Variants in ROBO2 observed in about 807,000 individuals in gnomAD.
ROBO2 encodes the protein roundabout homolog 2.
A neutral mutation model predicts 160.8 loss-of-function variants in ROBO2; 53 were observed. The ratio of observed to expected loss-of-function variants is 0.33; its 90% CI spans 0.26 to 0.41. The LOEUF is 0.41. Among genes scored for constraint, ROBO2 ranks in the 10% least tolerant of loss-of-function variants. The pLI is 1.00. For synonymous variants in ROBO2, 664 were observed against 611.7 expected (o/e 1.09, Z -1.26); for missense variants, 1,577 against 1,722.4 (o/e 0.92, Z 1.49).
chr3:77,548,327 T>G (rs2092782930), intron 7 of ROBO2, among the ~76,000 whole-genome samples: 1 of 152,086 alleles, frequency 6.6e-6, no homozygotes, highest in Non-Finnish European at 1.5e-5. Flanking sequence ...AATAAGTTGC[T>G]TTACACATTA....
chr3:75,942,779 A>G (rs989106239), intron 2 of ROBO2, among the ~76,000 whole-genome samples: 2 of 152,134 alleles, frequency 1.3e-5, no homozygotes, highest in African/African-American at 4.8e-5. Context: ...ATACCAGTGG[A>G]TTTACTTTAA....
chr3:77,407,614 T>C (rs1409179003), intron 2 of ROBO2, among the ~76,000 whole-genome samples: 1 of 152,246 alleles, frequency 6.6e-6, no homozygotes, highest in Non-Finnish European at 1.5e-5. Context: ...GTTTACTTTA[T>C]GTATCAGGAG....
intron 1 of ROBO2, chr3:77,091,909 G>C (rs1009905405): frequency 5.3e-5 from 8 of 151,942 alleles, no homozygotes; most frequent in African/African-American, 1.9e-4. Context: ...CAACCTGGGA[G>C]ACGGAGGTTG....
intron 2 of ROBO2, among the ~76,000 whole-genome samples, chr3:77,352,806 C>A (rs1256237199): frequency 6.6e-6 from 1 of 152,128 alleles, no homozygotes; most frequent in Non-Finnish European, 1.5e-5. Context: ...TCACTGTAGA[C>A]CCCAGATGTG....
chr3:76,032,214 A>AT (rs1230060236), intron 2 of ROBO2, among the ~76,000 whole-genome samples: 3 of 151,968 alleles, frequency 2.0e-5, no homozygotes, highest in African/African-American at 7.3e-5. Flanking sequence ...CCCCTTTATC[A>AT]TTTTTTATTG....
intron 2 of ROBO2, among the ~76,000 whole-genome samples, chr3:76,154,906 T>C (rs1484168092): frequency 6.6e-6 from 1 of 152,138 alleles, no homozygotes; most frequent in African/African-American, 2.4e-5. Flanking sequence ...TCTGGACAAA[T>C]ATATATTGTG....
chr3:76,625,026 C>T (rs1288688634), intron 2 of ROBO2, among the ~76,000 whole-genome samples: 5 of 151,828 alleles, frequency 3.3e-5, no homozygotes, highest in African/African-American at 7.3e-5. Flanking sequence ...TATCTTTTCC[C>T]GTCATAATCC....
chr3:75,984,322 C>T (rs1238080003), intron 2 of ROBO2, among the ~76,000 whole-genome samples: 3 of 151,390 alleles, frequency 2.0e-5, no homozygotes, highest in South Asian at 4.1e-4. Context: ...GTAAAATGCC[C>T]GTGATGGTAG....
At chr3:76,737,014 G>A (rs1489130419) in intron 2 of ROBO2, among the ~76,000 whole-genome samples, 5 of 152,148 alleles carry the variant, frequency 3.3e-5, no homozygotes, top group Non-Finnish European at 1.5e-5. Flanking sequence ...CTCTGTTTTG[G>A]GGGCAGGCTC....
rs191794809 is a variant in ROBO2 at position 77,484,681 on chromosome 3, A to T, written c.667+3462A>T. On this transcript the variant is annotated intron_variant, in intron 4 of 25. Transcript: ENST00000461745. ...ATTTGACTTCCTATTATAGAAGATG[A>T]TGATTTGGCCCACTTATAGCTCCTT... 6.0e-3 allele frequency among the ~76,000 whole-genome samples: 913 copies of T among 152,106 alleles called. 10 individuals carry two copies. Among genetic ancestry groups the T allele is most frequent in the African/African-American group, 0.019 (788 of 41,528 alleles).
intron 2 of ROBO2, among the ~76,000 whole-genome samples, chr3:76,942,710 T>C (rs2078272433): frequency 1.3e-5 from 2 of 152,208 alleles, no homozygotes; most frequent in Admixed American, 6.5e-5. Context: ...ATTTTAATTC[T>C]GATTCCAACT....
At chr3:77,626,138 C>T (rs1398883264) in intron 23 of ROBO2, among the ~76,000 whole-genome samples, 1 of 152,102 alleles carries the variant, frequency 6.6e-6, no homozygotes, top group Non-Finnish European at 1.5e-5. Context: ...TGGTTTGTTG[C>T]TTCATATGTG....
chr3:77,451,408 A>T (rs948685253), intron 2 of ROBO2, among the ~76,000 whole-genome samples: 1 of 152,116 alleles, frequency 6.6e-6, no homozygotes, highest in African/African-American at 2.4e-5. Flanking sequence ...TTGAATTCAT[A>T]TGCTTTTCAC....
chr3:77,340,667 A>G (rs2066966794), intron 2 of ROBO2, among the ~76,000 whole-genome samples: 2 of 152,124 alleles, frequency 1.3e-5, no homozygotes, highest in Non-Finnish European at 2.9e-5. Context: ...CATATGTTCA[A>G]AATCATTTAA....
At chr3:76,315,486 G>A (rs1052688680) in intron 2 of ROBO2, among the ~76,000 whole-genome samples, 3 of 152,104 alleles carry the variant, frequency 2.0e-5, no homozygotes, top group Non-Finnish European at 4.4e-5. Flanking sequence ...GCATTGAAGC[G>A]CTGACCTAGG....
intron 2 of ROBO2, among the ~76,000 whole-genome samples, chr3:75,964,820 A>G (rs1040504792): frequency 2.0e-5 from 3 of 151,710 alleles, no homozygotes; most frequent in Non-Finnish European, 4.4e-5. Context: ...ATTTATTTAT[A>G]TTGTACACAT....
chr3:77,273,445 A>G (rs756188323), intron 2 of ROBO2, among the ~76,000 whole-genome samples: 20 of 152,226 alleles, frequency 1.3e-4, no homozygotes, highest in Non-Finnish European at 1.0e-4. Flanking sequence ...ACTGAATAGT[A>G]TTCACGGATC....
At position 76,214,586 on chromosome 3, in the gene ROBO2, G is replaced by A. The variant is rs575170282; in HGVS notation, c.109+276984G>A. 1.4e-4 allele frequency among the ~76,000 whole-genome samples: 21 copies of A among 152,286 alleles called. 1 individual carries two copies. Among genetic ancestry groups the A allele is most frequent in the South Asian group, 1.0e-3 (5 of 4,822 alleles). ...ATTGCTAGCACAGCAGTCTGAGATC[G>A]AACTGCAAGGCAGCAGCAAGGCTGG... is the stretch of plus-strand genomic sequence containing the variant. On this transcript the variant is annotated intron_variant, in intron 2 of 26. Transcript: ENST00000487694.
intron 2 of ROBO2, among the ~76,000 whole-genome samples, chr3:76,603,351 A>AAATATATATATATATAT (rs1553826368): frequency 3.8e-5 from 1 of 26,406 alleles, no homozygotes. Context: ...AAAAAAAAAA[A>AAATATATATATATATAT]ATATATATAT....
Sources: gnomAD v4.1 joint callset for allele counts (sites outside exome capture counted in the v4.1 genomes callset) on GRCh38, gnomAD v4.1.1 for gene constraint, MANE v1.5 for transcripts, NCBI Gene and HGNC (gene_info 2026-07-23, HGNC 2026-07-21) for gene names.